Variants in PSD2 observed in about 807,000 individuals in gnomAD.
PSD2 encodes PH and SEC7 domain-containing protein 2.
PSD2 carries 38 observed loss-of-function variants against 69.8 expected under a neutral mutation model. The ratio of observed to expected loss-of-function variants is 0.54; its 90% CI spans 0.42 to 0.71. The LOEUF (loss-of-function observed/expected upper bound fraction) is 0.71, where lower values mean the gene tolerates loss of function less well. Among genes scored for constraint, PSD2 ranks in the 30% least tolerant of loss-of-function variants. PSD2 has a pLI of 0.00. For synonymous variants in PSD2, 412 were observed against 423.0 expected (o/e 0.97, Z 0.32); for missense variants, 943 against 1,014.5 (o/e 0.93, Z 0.96).
At chr5:139,795,767 C>T (rs888809154), upstream of PSD2, 6 of 151,444 alleles carry the variant, frequency 4.0e-5, no homozygotes, top group African/African-American at 1.2e-4. This position sits in a 1 kb window ranked among gnomAD's most constrained non-coding sequence, Gnocchi z 4.5. Flanking sequence ...GCTCCTCCCT[C>T]CTCCTCCTCC....
At chr5:139,810,782 A>G (rs1240074120) in intron 2 of PSD2, among the ~76,000 whole-genome samples, 1 of 152,162 alleles carries the variant, frequency 6.6e-6, no homozygotes, top group Non-Finnish European at 1.5e-5. Flanking sequence ...GGGCAGCCCC[A>G]TAGCTGGCAG....
At chr5:139,758,627 C>T in the PSD2 span, among the ~76,000 whole-genome samples, 1 of 152,160 alleles carries the variant, frequency 6.6e-6, no homozygotes, top group Non-Finnish European at 1.5e-5. Context: ...GAAGGGGACG[C>T]ACTTATGCCT....
Position 139,817,484 on chromosome 5 carries a change from C to A in PSD2, c.1020C>A (p.Asn340Lys), listed in dbSNP as rs142589356. The A allele has an allele frequency of 1.9e-6, 3 of 1,613,754 alleles. No individual in the cohort carries two copies. The highest frequency in any genetic ancestry group is 2.7e-5 in the African/African-American group (2 of 74,892). The change falls in exon 5 of 15, where the codon AAC (asparagine) becomes AAA (lysine). Residue 340 changes from asparagine to lysine, a missense_variant. Asn to Lys is a moderately conservative substitution (Grantham distance 94, BLOSUM62 0). Transcript: ENST00000274710. ...CDVARQLGKN[N>K]EFSRLVAGEY... is the part of the protein sequence containing the mutation. The stretch of plus-strand genomic sequence containing the variant: ...ACATCCCATACTCTCCTGGCAGCAA[C>A]GAGTTTAGCAGGCTGGTGGCCGGGG...
intron 1 of PSD2, among the ~76,000 whole-genome samples, chr5:139,807,299 TG>T (rs1013706937): frequency 6.6e-6 from 1 of 152,224 alleles, no homozygotes; most frequent in Non-Finnish European, 1.5e-5. Context: ...GTCAGAGGAC[TG>T]GAACTCAGGC....
intron 5 of PSD2, among the ~76,000 whole-genome samples, chr5:139,819,651 C>G (rs561919184): frequency 6.6e-6 from 1 of 152,332 alleles, no homozygotes; most frequent in East Asian, 1.9e-4. Context: ...GTTCTCTCCT[C>G]TCCAGAATCT....
At chr5:139,743,167 G>C in the PSD2 span, among the ~76,000 whole-genome samples, 3 of 152,218 alleles carry the variant, frequency 2.0e-5, no homozygotes, top group African/African-American at 7.2e-5. Context: ...GGTGAGGACT[G>C]TTCTCTTGGA....
chr5:139,785,102 C>G, the PSD2 span, among the ~76,000 whole-genome samples: 1 of 152,026 alleles, frequency 6.6e-6, no homozygotes, highest in African/African-American at 2.4e-5. Context: ...TTTCAAAGTG[C>G]CCACTGATAA....
chr5:139,765,200 C>A, the PSD2 span, among the ~76,000 whole-genome samples: 1 of 152,118 alleles, frequency 6.6e-6, no homozygotes, highest in Non-Finnish European at 1.5e-5. Flanking sequence ...CTTCACACTG[C>A]CTTCCAGTTC....
the PSD2 span, among the ~76,000 whole-genome samples, chr5:139,780,708 C>T: frequency 3.3e-5 from 5 of 152,208 alleles, no homozygotes; most frequent in South Asian, 2.1e-4. Context: ...CCTCCCAAAG[C>T]GCTGGGATTA....
At chr5:139,768,835 C>T in the PSD2 span, among the ~76,000 whole-genome samples, 1 of 152,136 alleles carries the variant, frequency 6.6e-6, no homozygotes, top group Non-Finnish European at 1.5e-5. Context: ...GTGCATCATG[C>T]CTCTCAGTCC....
the PSD2 span, among the ~76,000 whole-genome samples, chr5:139,771,026 C>T: frequency 6.6e-6 from 1 of 152,182 alleles, no homozygotes; most frequent in Non-Finnish European, 1.5e-5. Flanking sequence ...TGATATTTAA[C>T]AAATACAAAC....
chr5:139,837,087 A>C lies in PSD2; in HGVS notation c.1595-81A>C. 1 of 1,596,144 alleles carries C rather than the reference A, an allele frequency of 6.3e-7. No individual in the cohort carries two copies. Among genetic ancestry groups the C allele is most frequent in the Non-Finnish European group, 8.6e-7 (1 of 1,167,082 alleles). On this transcript the variant is annotated intron_variant, in intron 10 of 14. Coordinates refer to ENST00000274710, the MANE Select transcript of PSD2 (RefSeq NM_032289.4). This position sits in a 1 kb window ranked among gnomAD's most constrained non-coding sequence, Gnocchi z 5.0. Reference sequence around the variant, plus strand: ...GGCCACTCTTTGGGGACGAACATACAGGTGGACACGTAGTGGGAGGTGGGG... The same window carrying C: ...GGCCACTCTTTGGGGACGAACATACCGGTGGACACGTAGTGGGAGGTGGGG...
chr5:139,788,220 C>T, the PSD2 span, among the ~76,000 whole-genome samples: 2 of 151,652 alleles, frequency 1.3e-5, no homozygotes, highest in African/African-American at 2.4e-5. Context: ...CCGGCTCCCC[C>T]AGCCCGAGCT....
At chr5:139,818,605 C>T (rs893761447) in intron 5 of PSD2, among the ~76,000 whole-genome samples, 1 of 152,144 alleles carries the variant, frequency 6.6e-6, no homozygotes, top group African/African-American at 2.4e-5. Context: ...ATTCTTTTTT[C>T]TCTGCTTCTG....
intron 1 of PSD2, among the ~76,000 whole-genome samples, chr5:139,796,741 GT>G (rs1371440892): frequency 1.3e-5 from 2 of 152,224 alleles, no homozygotes; most frequent in Admixed American, 1.3e-4. Flanking sequence ...TGGGGGCATT[GT>G]TTTTGCATAG....
intron 1 of PSD2, among the ~76,000 whole-genome samples, chr5:139,805,273 G>A (rs1002215105): frequency 3.3e-5 from 5 of 152,212 alleles, no homozygotes; most frequent in African/African-American, 4.8e-5. Flanking sequence ...AAAAGGGACC[G>A]TAAGATTATT....
At chr5:139,761,664 C>T in the PSD2 span, among the ~76,000 whole-genome samples, 1 of 152,236 alleles carries the variant, frequency 6.6e-6, no homozygotes, top group Non-Finnish European at 1.5e-5. Flanking sequence ...CCTCTGCTTT[C>T]CATGACCCTT....
intron 1 of PSD2, among the ~76,000 whole-genome samples, chr5:139,802,684 G>A (rs1759705029): frequency 6.6e-6 from 1 of 152,152 alleles, no homozygotes; most frequent in Non-Finnish European, 1.5e-5. Flanking sequence ...GTCACCAGCT[G>A]TAAACATGAT....
chr5:139,825,261 C>A (rs1039586412), intron 7 of PSD2, among the ~76,000 whole-genome samples: 1 of 152,204 alleles, frequency 6.6e-6, no homozygotes. Context: ...CAGCGGGAGC[C>A]GGCCATGGAA....
Sources: gnomAD v4.1 joint callset for allele counts (sites outside exome capture counted in the v4.1 genomes callset) on GRCh38, gnomAD v4.1.1 for gene constraint, Gnocchi (gnomAD v3.1) non-coding constraint, MANE v1.5 for transcripts, NCBI Gene and HGNC (gene_info 2026-07-23, HGNC 2026-07-21) for gene names.